Variants in PIGB observed in about 807,000 individuals in gnomAD.
The protein encoded by PIGB is GPI alpha-1,2-mannosyltransferase 3.
PIGB carries 58 observed loss-of-function variants against 68.4 expected under a neutral mutation model. The ratio of observed to expected loss-of-function variants is 0.85; its 90% CI spans 0.69 to 1.06. The LOEUF is 1.06. Among genes scored for constraint, PIGB ranks in the 50% least tolerant of loss-of-function variants. The pLI, the probability that PIGB is intolerant of heterozygous loss-of-function variation, is 0.00. For synonymous variants in PIGB, 219 were observed against 220.5 expected (o/e 0.99, Z 0.06); for missense variants, 634 against 655.8 (o/e 0.97, Z 0.36).
chr15:55,343,978 T>C (rs1364998800), intron 9 of PIGB, among the ~76,000 whole-genome samples: 1 of 152,206 alleles, frequency 6.6e-6, no homozygotes, highest in Non-Finnish European at 1.5e-5. Context: ...TCTTTGGAGC[T>C]CTTGATGTTT....
At chr15:55,340,516 T>TC in intron 7 of PIGB, 96 bp from the exon 8 acceptor site, 1 of 733,178 alleles carries the variant, frequency 1.4e-6, no homozygotes, top group Non-Finnish European at 2.2e-6. Context: ...AGACTTCAAT[T>TC]CTGATTTAAT....
At chr15:55,328,359 G>A (rs550358471) in intron 4 of PIGB, among the ~76,000 whole-genome samples, 5 of 142,744 alleles carry the variant, frequency 3.5e-5, no homozygotes, top group East Asian at 2.3e-4. Flanking sequence ...AAGCTTATAT[G>A]AGCCTGTTTG....
chr15:55,350,391 GT>G, intron 9 of PIGB: 1 of 331,994 alleles, frequency 3.0e-6, no homozygotes, highest in Non-Finnish European at 5.5e-6. Context: ...CTTGAATAAG[GT>G]ACTATTATCC....
chr15:55,334,544 G>A (rs1190556154), intron 6 of PIGB, among the ~76,000 whole-genome samples: 1 of 152,006 alleles, frequency 6.6e-6, no homozygotes, highest in Non-Finnish European at 1.5e-5. Flanking sequence ...AGACTACCCC[G>A]AATAATTATT....
At chr15:55,326,430 C>G (rs1214132318) in intron 3 of PIGB, among the ~76,000 whole-genome samples, 9 of 152,094 alleles carry the variant, frequency 5.9e-5, no homozygotes, top group Admixed American at 5.9e-4. Context: ...GTTTCCTCAT[C>G]TATAAAACAG....
At chr15:55,324,294 G>A (rs1170560961) in intron 3 of PIGB, among the ~76,000 whole-genome samples, 2 of 152,150 alleles carry the variant, frequency 1.3e-5, no homozygotes, top group Non-Finnish European at 2.9e-5. Context: ...TAGGCCTAGT[G>A]CTCAAGTTAC....
At chr15:55,329,624 C>A in intron 4 of PIGB, 100 bp from the exon 5 acceptor site, 1 of 981,526 alleles carries the variant, frequency 1.0e-6, no homozygotes, top group Non-Finnish European at 1.5e-6. Flanking sequence ...TTTTGATGTC[C>A]TTTTCACAAT....
At chr15:55,346,097 T>G (rs1485249190) in intron 9 of PIGB, among the ~76,000 whole-genome samples, 1 of 152,196 alleles carries the variant, frequency 6.6e-6, no homozygotes, top group African/African-American at 2.4e-5. Flanking sequence ...AACCTTACCT[T>G]GGTAAGAAGG....
chr15:55,349,824 A>G (rs965179414), intron 9 of PIGB: 4 of 152,230 alleles, frequency 2.6e-5, no homozygotes, highest in Non-Finnish European at 5.9e-5. Context: ...AAAAGAGTGT[A>G]TGTAAATTAT....
intron 10 of PIGB, among the ~76,000 whole-genome samples, chr15:55,353,506 C>T (rs1475917614): frequency 7.0e-5 from 10 of 142,848 alleles, no homozygotes; most frequent in Admixed American, 6.0e-4. Context: ...TTTAATTTTT[C>T]CTAAGGCAAT....
Position 55,348,907 on chromosome 15 carries a change from T to C in PIGB, c.1124-1792T>C, listed in dbSNP as rs558938692. Among the ~76,000 whole-genome samples, 8 of 152,354 alleles carry C rather than the reference T, an allele frequency of 5.3e-5. No individual in the cohort carries two copies. The South Asian group carries it at 1.7e-3, about 32-fold the overall frequency. On this transcript the variant is annotated intron_variant, in intron 9 of 11. Transcript: ENST00000164305. Reference sequence around the variant, plus strand: ...CTTATATTTGGGGATCTGCTGTGTCTGTGATTGGGGTTATTACAGATGGTT... The same window carrying C: ...CTTATATTTGGGGATCTGCTGTGTCCGTGATTGGGGTTATTACAGATGGTT...
intron 3 of PIGB, among the ~76,000 whole-genome samples, chr15:55,326,602 T>A (rs1020822132): frequency 2.6e-5 from 4 of 152,094 alleles, no homozygotes; most frequent in Non-Finnish European, 4.4e-5. Flanking sequence ...CACGGTGGCT[T>A]ACACCTGTAA....
chr15:55,352,236 A>T (rs2055942284), intron 10 of PIGB, among the ~76,000 whole-genome samples: 1 of 152,094 alleles, frequency 6.6e-6, no homozygotes, highest in Non-Finnish European at 1.5e-5. Context: ...GGCGTGAGCC[A>T]CCGCACCCGG....
At chr15:55,320,197 G>A in intron 1 of PIGB, 78 bp from the exon 2 acceptor site, 1 of 1,414,680 alleles carries the variant, frequency 7.1e-7, no homozygotes, top group South Asian at 1.3e-5. Context: ...GAGCCAACCA[G>A]AGCAGCAGAT....
chr15:55,354,628 G>A (rs1372224002), intron 10 of PIGB, 170 bp from the exon 11 acceptor site: 5 of 593,274 alleles, frequency 8.4e-6, no homozygotes, highest in Non-Finnish European at 1.4e-5. Flanking sequence ...TAAGAATCAT[G>A]TTTTTTTTAT....
chr15:55,333,154 A>G (rs1310386020), intron 5 of PIGB, among the ~76,000 whole-genome samples: 2 of 152,214 alleles, frequency 1.3e-5, no homozygotes, highest in Non-Finnish European at 2.9e-5. Context: ...TTTTTAGCAC[A>G]CAAGACTGGC....
At chr15:55,338,955 C>T (rs2055599918) in intron 6 of PIGB, among the ~76,000 whole-genome samples, 2 of 152,148 alleles carry the variant, frequency 1.3e-5, no homozygotes, top group Non-Finnish European at 1.5e-5. Context: ...GGTTCTTGAT[C>T]CACAGGAACT....
intron 10 of PIGB, chr15:55,351,668 G>C (rs1048153354): frequency 6.6e-6 from 1 of 151,178 alleles, no homozygotes; most frequent in East Asian, 2.1e-4. Flanking sequence ...TCAGAAGATC[G>C]AGACCATCCT....
chr15:55,327,864 T>C (rs779846070), intron 4 of PIGB, among the ~76,000 whole-genome samples: 13 of 152,046 alleles, frequency 8.6e-5, no homozygotes, highest in Non-Finnish European at 1.6e-4. Flanking sequence ...CCTATGAGAG[T>C]CTAAACCCTG....
Sources: gnomAD v4.1 joint callset for allele counts (sites outside exome capture counted in the v4.1 genomes callset) on GRCh38, gnomAD v4.1.1 for gene constraint, MANE v1.5 for transcripts, NCBI Gene and HGNC (gene_info 2026-07-23, HGNC 2026-07-21) for gene names.